The following ELOVL5 variants were observed in gnomAD, a reference collection of about 807,000 sequenced individuals.
ELOVL5 encodes very long chain fatty acid elongase 5.
ELOVL5 carries 8 observed loss-of-function variants against 38.6 expected under a neutral mutation model. That is an observed-to-expected ratio of 0.21 (90% CI 0.12 to 0.37). The LOEUF is 0.37. Ranked by LOEUF, ELOVL5 falls within the 10% of genes least tolerant of loss-of-function variation. The pLI is 1.00. For synonymous variants in ELOVL5, 127 were observed against 133.7 expected (o/e 0.95, Z 0.34); for missense variants, 280 against 367.8 (o/e 0.76, Z 1.95).
At chr6:53,310,349 G>A (rs557724500) in intron 1 of ELOVL5, among the ~76,000 whole-genome samples, 9 of 152,272 alleles carry the variant, frequency 5.9e-5, no homozygotes, top group African/African-American at 1.4e-4. Context: ...TTTTCTAGAC[G>A]AGGAAACTAA....
chr6:53,285,420 G>A (rs1422601296), intron 3 of ELOVL5, among the ~76,000 whole-genome samples: 1 of 152,172 alleles, frequency 6.6e-6, no homozygotes, highest in Admixed American at 6.5e-5. Flanking sequence ...CTTGAAAATA[G>A]CAGAGGATAG....
chr6:53,317,534 A>G (rs964306613), intron 1 of ELOVL5, among the ~76,000 whole-genome samples: 4 of 152,116 alleles, frequency 2.6e-5, no homozygotes, highest in African/African-American at 9.7e-5. Context: ...TCAGCAAACT[A>G]TCGCAAGGAC....
intron 1 of ELOVL5, among the ~76,000 whole-genome samples, chr6:53,309,032 C>A (rs1369693677): frequency 6.6e-6 from 1 of 152,122 alleles, no homozygotes; most frequent in East Asian, 1.9e-4. Context: ...ATACATTAAT[C>A]CATCCTGCAC....
chr6:53,337,709 C>CT (rs1179996213), intron 1 of ELOVL5, among the ~76,000 whole-genome samples: 4 of 152,222 alleles, frequency 2.6e-5, no homozygotes, highest in African/African-American at 9.7e-5. Flanking sequence ...ATGCAAAGCA[C>CT]TATACAGGTA....
At chr6:53,329,580 T>C (rs1444054585) in intron 1 of ELOVL5, among the ~76,000 whole-genome samples, 1 of 152,158 alleles carries the variant, frequency 6.6e-6, no homozygotes, top group East Asian at 1.9e-4. Context: ...TCCCAAGACT[T>C]TGGAAGGCTG....
At chr6:53,278,274 G>A (rs1354081562) in intron 3 of ELOVL5, among the ~76,000 whole-genome samples, 2 of 152,154 alleles carry the variant, frequency 1.3e-5, no homozygotes, top group Non-Finnish European at 2.9e-5. Context: ...ACTTGTGGAG[G>A]TGTGGATGAC....
intron 3 of ELOVL5, among the ~76,000 whole-genome samples, chr6:53,288,786 C>A (rs1766664580): frequency 6.6e-6 from 1 of 152,174 alleles, no homozygotes; most frequent in African/African-American, 2.4e-5. Flanking sequence ...TTCCTATTGG[C>A]CAGATGTAGT....
chr6:53,298,599 T>C (rs1767114708), intron 1 of ELOVL5, among the ~76,000 whole-genome samples: 1 of 152,120 alleles, frequency 6.6e-6, no homozygotes, highest in Non-Finnish European at 1.5e-5. Flanking sequence ...ATAAGGCCCT[T>C]AGAGCAGTGT....
At position 53,348,944 on chromosome 6, in the gene ELOVL5, G is replaced by A; in HGVS notation, c.-136C>T. 2 of 429,520 alleles carry A rather than the reference G, an allele frequency of 4.7e-6. No homozygotes were observed. Among genetic ancestry groups the A allele is most frequent in the South Asian group, 3.2e-5 (2 of 62,468 alleles). The allele number at this position is 429,520 out of a possible 1,614,324, so 26.6% of individuals were successfully genotyped here. The stretch of plus-strand genomic sequence containing the variant: ...ACCGGTGGCTAGGACCCGCGCGATG[G>A]GAAGAGGAAGGCGCCGGCTATCTAC... On this transcript the variant is annotated 5_prime_UTR_variant, in exon 1 of 8. Coordinates refer to ENST00000304434, the MANE Select transcript of ELOVL5 (RefSeq NM_021814.5).
intron 1 of ELOVL5, among the ~76,000 whole-genome samples, chr6:53,327,131 C>T (rs1410566788): frequency 1.3e-5 from 2 of 152,104 alleles, no homozygotes; most frequent in East Asian, 1.9e-4. Context: ...AGTTTCTATC[C>T]ACTCACTCCT....
chr6:53,333,319 T>C (rs1768887446), intron 1 of ELOVL5, among the ~76,000 whole-genome samples: 1 of 152,240 alleles, frequency 6.6e-6, no homozygotes, highest in African/African-American at 2.4e-5. Flanking sequence ...TGCTTGCTGT[T>C]TGCTTTCTTC....
At chr6:53,298,552 G>A (rs1256547598) in intron 1 of ELOVL5, among the ~76,000 whole-genome samples, 1 of 152,084 alleles carries the variant, frequency 6.6e-6, no homozygotes, top group Non-Finnish European at 1.5e-5. Context: ...AAAGACCAAA[G>A]TAACTGCCTT....
chr6:53,315,161 G>C (rs965718977), intron 1 of ELOVL5, among the ~76,000 whole-genome samples: 4 of 152,140 alleles, frequency 2.6e-5, no homozygotes, highest in African/African-American at 9.7e-5. Context: ...TCCTGGTAAG[G>C]GTCCTCTTCC....
chr6:53,298,117 T>C (rs975037789), intron 1 of ELOVL5, among the ~76,000 whole-genome samples: 6 of 152,208 alleles, frequency 3.9e-5, no homozygotes, highest in Non-Finnish European at 8.8e-5. Flanking sequence ...CCATCATGAT[T>C]TTGTGACACT....
chr6:53,286,492 G>A (rs180688983), intron 3 of ELOVL5, among the ~76,000 whole-genome samples: 39 of 152,262 alleles, frequency 2.6e-4, no homozygotes, highest in African/African-American at 8.9e-4. Flanking sequence ...AAGGCCAGGA[G>A]TTCTAGGCTG....
chr6:53,341,204 T>C (rs1283771852), intron 1 of ELOVL5, among the ~76,000 whole-genome samples: 5 of 152,256 alleles, frequency 3.3e-5, no homozygotes, highest in Non-Finnish European at 7.3e-5. Flanking sequence ...ACGGTCACCC[T>C]TTCAAGTATT....
chr6:53,324,489 A>C (rs2127588924), intron 1 of ELOVL5, among the ~76,000 whole-genome samples: 1 of 151,928 alleles, frequency 6.6e-6, no homozygotes, highest in Middle Eastern at 3.4e-3. Flanking sequence ...CAGCCTGGGC[A>C]ACATGGAGAA....
At chr6:53,317,860 A>G (rs1768123466) in intron 1 of ELOVL5, among the ~76,000 whole-genome samples, 1 of 151,836 alleles carries the variant, frequency 6.6e-6, no homozygotes, top group African/African-American at 2.4e-5. Flanking sequence ...AAAATAAAAT[A>G]AAAACCTAAT....
At chr6:53,305,180 G>C (rs1317536642) in intron 1 of ELOVL5, among the ~76,000 whole-genome samples, 1 of 150,038 alleles carries the variant, frequency 6.7e-6, no homozygotes, top group African/African-American at 2.4e-5. Context: ...CCTCCCGGAC[G>C]GGGCGGCTGG....
Sources: allele counts gnomAD v4.1 joint callset (sites outside exome capture counted in the v4.1 genomes callset), GRCh38; gene constraint gnomAD v4.1.1; transcripts MANE v1.5; gene names NCBI Gene and HGNC (gene_info 2026-07-23, HGNC 2026-07-21).